DIAPH3: variants seen among roughly 807,000 people sequenced by gnomAD.
DIAPH3 encodes diaphanous related formin 3.
In DIAPH3, 117 loss-of-function variants were observed where a neutral mutation model predicts 144.3. That is an observed-to-expected ratio of 0.81 (90% confidence interval 0.70 to 0.95). The LOEUF (loss-of-function observed/expected upper bound fraction) is 0.95. Among genes scored for constraint, DIAPH3 ranks in the 40% least tolerant of loss-of-function variants. The pLI, the probability that DIAPH3 is intolerant of heterozygous loss-of-function variation, is 0.00. For missense variants in DIAPH3, 1,421 were observed against 1,412.7 expected (o/e 1.01, Z -0.09); for synonymous variants, 519 against 488.9 (o/e 1.06, Z -0.81).
chr13:59,799,450 T>C (rs1465298161), intron 25 of DIAPH3, among the ~76,000 whole-genome samples: 1 of 150,002 alleles, frequency 6.7e-6, no homozygotes, highest in East Asian at 2.0e-4. Context: ...TTGTTAACCA[T>C]CAGGTAGGCT....
intron 4 of DIAPH3, among the ~76,000 whole-genome samples, chr13:60,056,271 AAGAG>A (rs1044439055): frequency 2.7e-5 from 4 of 150,902 alleles, no homozygotes; most frequent in Admixed American, 1.3e-4. Flanking sequence ...ATATATAGAA[AAGAG>A]AGAGAGGAGA....
intron 22 of DIAPH3, among the ~76,000 whole-genome samples, chr13:59,855,208 C>T (rs2043190407): frequency 6.6e-6 from 1 of 152,086 alleles, no homozygotes; most frequent in African/African-American, 2.4e-5. Flanking sequence ...ACAGATAATC[C>T]CTGGAAATAA....
At chr13:59,751,475 C>T (rs1250471956) in intron 27 of DIAPH3, among the ~76,000 whole-genome samples, 3 of 152,196 alleles carry the variant, frequency 2.0e-5, no homozygotes, top group African/African-American at 7.2e-5. Context: ...TATTTGTAAA[C>T]ACCTTAAGAG....
chr13:59,997,266 A>C (rs2052262286), intron 9 of DIAPH3, among the ~76,000 whole-genome samples: 3 of 151,886 alleles, frequency 2.0e-5, no homozygotes, highest in Non-Finnish European at 2.9e-5. Context: ...TGTGATCACA[A>C]TTTTTAGCTC....
intron 27 of DIAPH3, among the ~76,000 whole-genome samples, chr13:59,678,101 G>A (rs187166575): frequency 6.6e-6 from 1 of 152,244 alleles, no homozygotes; most frequent in East Asian, 1.9e-4. Flanking sequence ...CAAAATGAGA[G>A]TGACCTTTAT....
chr13:59,940,065 G>A (rs899303192), intron 17 of DIAPH3, among the ~76,000 whole-genome samples: 1 of 151,964 alleles, frequency 6.6e-6, no homozygotes, highest in African/African-American at 2.4e-5. Context: ...CAATGTTTTC[G>A]AGCCTGCCCC....
intron 27 of DIAPH3, among the ~76,000 whole-genome samples, chr13:59,732,393 CCT>C (rs1468418896): frequency 1.9e-3 from 289 of 150,368 alleles, no homozygotes; most frequent in African/African-American, 6.6e-3. Flanking sequence ...ATTGTTTTGT[CCT>C]ATTTATAATT....
chr13:59,903,748 T>C (rs1173499945), intron 20 of DIAPH3, among the ~76,000 whole-genome samples: 2 of 152,214 alleles, frequency 1.3e-5, no homozygotes, highest in Non-Finnish European at 2.9e-5. Context: ...CTCAAAATGA[T>C]TTTTAAAAAC....
chr13:60,048,313 A>G (rs972151648), intron 4 of DIAPH3, among the ~76,000 whole-genome samples: 7 of 152,340 alleles, frequency 4.6e-5, no homozygotes, highest in East Asian at 3.9e-4. Context: ...GCCTCTCCCA[A>G]TGATACATTT....
chr13:60,098,718 T>C (rs182394878), intron 3 of DIAPH3, among the ~76,000 whole-genome samples: 20 of 152,200 alleles, frequency 1.3e-4, no homozygotes, highest in South Asian at 8.3e-4. Context: ...CAGTAAAACA[T>C]GCTGCTTTAC....
chr13:60,150,348 T>C (rs1951727122), intron 1 of DIAPH3, among the ~76,000 whole-genome samples: 1 of 151,984 alleles, frequency 6.6e-6, no homozygotes, highest in South Asian at 2.1e-4. Context: ...AAAAAAACTA[T>C]TTGGGACAAA....
intron 24 of DIAPH3, among the ~76,000 whole-genome samples, chr13:59,813,368 A>G (rs2040590293): frequency 6.6e-6 from 1 of 151,816 alleles, no homozygotes; most frequent in Non-Finnish European, 1.5e-5. Flanking sequence ...AATCCCTTTA[A>G]TTCTCAAATT....
chr13:60,008,173 C>A (rs2053004350), intron 9 of DIAPH3, among the ~76,000 whole-genome samples: 1 of 152,040 alleles, frequency 6.6e-6, no homozygotes, highest in African/African-American at 2.4e-5. Flanking sequence ...GCGGGTAGAT[C>A]ACGAGATCAG....
At chr13:59,844,908 C>T (rs889655098) in intron 22 of DIAPH3, among the ~76,000 whole-genome samples, 1 of 152,034 alleles carries the variant, frequency 6.6e-6, no homozygotes, top group African/African-American at 2.4e-5. Context: ...TGGTCTTGAC[C>T]CTTTCCTCTC....
intron 27 of DIAPH3, among the ~76,000 whole-genome samples, chr13:59,683,702 A>G (rs1156547444): frequency 6.6e-6 from 1 of 152,216 alleles, no homozygotes. Context: ...AGTTTGAGAC[A>G]CGTTTGTCCC....
intron 3 of DIAPH3, 128 bp downstream of exon 3, chr13:60,111,882 T>A (rs2058578351): frequency 1.2e-6 from 1 of 859,588 alleles, no homozygotes; most frequent in Non-Finnish European, 1.8e-6. Context: ...GTGGCTGAAG[T>A]GCTATCTTAA....
chr13:59,924,833 C>T lies in DIAPH3; in HGVS notation c.2112G>A (p.Ser704=), dbSNP rs200611051. The change falls in exon 18 of 28, where the codon TCG becomes TCA. Residue 704 remains serine, a synonymous_variant. Transcript: ENST00000400324. ...REEEDIEEKK[S]IKKKIKELKF... is the part of the protein sequence containing the mutation. Reference sequence around the variant, plus strand: ...TAAGTTCTTTAATTTTTTTCTTAATCGATTTCTTCTCTTCAATATCTTCCT... The same window carrying T: ...TAAGTTCTTTAATTTTTTTCTTAATTGATTTCTTCTCTTCAATATCTTCCT... 5.8e-5 allele frequency: 93 copies of T among 1,600,744 alleles called. No homozygotes were observed. Among genetic ancestry groups the T allele is most frequent in the East Asian group, 9.0e-5 (4 of 44,332 alleles).
intron 1 of DIAPH3, among the ~76,000 whole-genome samples, chr13:60,151,255 TAACTC>T (rs1951768361): frequency 6.6e-6 from 1 of 152,218 alleles, no homozygotes; most frequent in Admixed American, 6.5e-5. Flanking sequence ...TAACATGTGT[TAACTC>T]AACTAATCCT....
intron 22 of DIAPH3, among the ~76,000 whole-genome samples, chr13:59,860,875 C>T (rs567869545): frequency 1.6e-4 from 25 of 152,034 alleles, no homozygotes; most frequent in Admixed American, 1.5e-3. Context: ...TGATCTAAGC[C>T]CACAATTGAG....
Sources: gnomAD v4.1 joint callset for allele counts (sites outside exome capture counted in the v4.1 genomes callset) on GRCh38, gnomAD v4.1.1 for gene constraint, MANE v1.5 for transcripts, NCBI Gene and HGNC (gene_info 2026-07-23, HGNC 2026-07-21) for gene names.